The following PRKCB variants were observed in gnomAD, a reference collection of about 807,000 sequenced individuals.
PRKCB encodes the protein protein kinase C beta, also known as protein kinase C beta type.
PRKCB carries 13 observed loss-of-function variants against 81.5 expected under a neutral mutation model. That is an observed-to-expected ratio of 0.16 (90% confidence interval 0.10 to 0.25). PRKCB has a LOEUF of 0.25. PRKCB is among the 10% of genes least tolerant of loss of function. The probability of loss-of-function intolerance (pLI) is 1.00; values close to 1 mark genes in which losing one functional copy is unlikely to be tolerated. For synonymous variants in PRKCB, 335 were observed against 321.4 expected, an observed-to-expected ratio of 1.04 and a Z score of -0.45; for missense variants, 509 against 875.7, an observed-to-expected ratio of 0.58 and a Z score of 5.29.
chr16:24,163,457 A>G (rs1967296202), intron 10 of PRKCB, among the ~76,000 whole-genome samples: 1 of 152,238 alleles, frequency 6.6e-6, no homozygotes, highest in Non-Finnish European at 1.5e-5. Context: ...GAATAGACAC[A>G]GCCTTATGCT....
chr16:23,997,920 G>A (rs1383867152), intron 3 of PRKCB, among the ~76,000 whole-genome samples: 2 of 152,204 alleles, frequency 1.3e-5, no homozygotes, highest in Admixed American at 1.3e-4. Flanking sequence ...TTTTGCACAT[G>A]CAGTTAACCT....
intron 2 of PRKCB, among the ~76,000 whole-genome samples, chr16:23,979,964 A>G (rs909555267): frequency 3.3e-5 from 5 of 152,228 alleles, no homozygotes; most frequent in Admixed American, 6.5e-5. Context: ...GCATGCCTGT[A>G]GTCCCATCTA....
intron 2 of PRKCB, among the ~76,000 whole-genome samples, chr16:23,967,905 G>A (rs1422905856): frequency 6.6e-6 from 1 of 152,086 alleles, no homozygotes; most frequent in Non-Finnish European, 1.5e-5. Context: ...TCCACCTGCC[G>A]TGGCCTTCCA....
chr16:24,017,733 TG>T (rs1387601067), intron 3 of PRKCB, among the ~76,000 whole-genome samples: 1 of 152,124 alleles, frequency 6.6e-6, no homozygotes, highest in Non-Finnish European at 1.5e-5. Flanking sequence ...CTTCTTTTTT[TG>T]TTTGTTTGTT....
chr16:24,195,283 G>A (rs1419949152), intron 16 of PRKCB, among the ~76,000 whole-genome samples: 1 of 151,728 alleles, frequency 6.6e-6, no homozygotes, highest in African/African-American at 2.4e-5. Flanking sequence ...CATTGCATGA[G>A]AGCCCTCCTC....
chr16:23,887,608 C>T (rs1452808774), intron 2 of PRKCB, among the ~76,000 whole-genome samples: 1 of 152,164 alleles, frequency 6.6e-6, no homozygotes, highest in East Asian at 1.9e-4. Flanking sequence ...TGATGGGCAC[C>T]TAGGTGGATT....
intron 7 of PRKCB, among the ~76,000 whole-genome samples, chr16:24,110,856 A>C (rs183076779): frequency 6.6e-6 from 1 of 152,192 alleles, no homozygotes; most frequent in African/African-American, 2.4e-5. Flanking sequence ...GTTTGTTTTT[A>C]ACAATTATTT....
chr16:23,970,406 A>G (rs1425546023), intron 2 of PRKCB, among the ~76,000 whole-genome samples: 1 of 152,144 alleles, frequency 6.6e-6, no homozygotes, highest in Non-Finnish European at 1.5e-5. Flanking sequence ...CTGAGGACAG[A>G]GTGAGGTGGG....
chr16:23,965,335 T>C (rs1211009719), intron 2 of PRKCB, among the ~76,000 whole-genome samples: 2 of 152,238 alleles, frequency 1.3e-5, no homozygotes, highest in African/African-American at 2.4e-5. Context: ...CATTCTTTTT[T>C]ATGCCTGCAT....
At chr16:23,922,426 G>T (rs936248536) in intron 2 of PRKCB, among the ~76,000 whole-genome samples, 1 of 152,154 alleles carries the variant, frequency 6.6e-6, no homozygotes, top group East Asian at 1.9e-4. Flanking sequence ...TTTTATTAAA[G>T]ACATGGTATG....
At chr16:24,068,099 G>A (rs550720885) in intron 5 of PRKCB, among the ~76,000 whole-genome samples, 3 of 152,150 alleles carry the variant, frequency 2.0e-5, no homozygotes, top group African/African-American at 7.2e-5. Context: ...CACTCCTATG[G>A]TGTAGAGGTT....
intron 3 of PRKCB, among the ~76,000 whole-genome samples, chr16:23,997,392 G>T (rs531368650): frequency 2.2e-4 from 33 of 152,314 alleles, no homozygotes; most frequent in African/African-American, 7.2e-4. Context: ...GACCCTTTAA[G>T]AATGAAGGTT....
chr16:23,905,042 C>CTT (rs1227867693), intron 2 of PRKCB, among the ~76,000 whole-genome samples: 163 of 110,204 alleles, frequency 1.5e-3, no homozygotes, highest in African/African-American at 5.8e-3. Flanking sequence ...CTTTTTTTTT[C>CTT]TTTTTTTTTT....
chr16:24,100,629 C>T (rs1052202616), intron 7 of PRKCB, among the ~76,000 whole-genome samples: 16 of 152,230 alleles, frequency 1.1e-4, no homozygotes, highest in Non-Finnish European at 1.5e-4. Context: ...CTCCCCACCA[C>T]CTGTCCTTTC....
intron 10 of PRKCB, among the ~76,000 whole-genome samples, chr16:24,158,634 G>T (rs879798434): frequency 6.6e-6 from 1 of 151,708 alleles, no homozygotes; most frequent in Non-Finnish European, 1.5e-5. Flanking sequence ...GTATGTGTGT[G>T]TATGTGTATG....
At chr16:24,154,599 G>A (rs1262966825) in intron 9 of PRKCB, 85 bp from the exon 10 acceptor site, 18 of 1,366,648 alleles carry the variant, frequency 1.3e-5, no homozygotes, top group African/African-American at 1.4e-5. Context: ...ACAAAGCTAA[G>A]TGTGGCTACA....
intron 2 of PRKCB, among the ~76,000 whole-genome samples, chr16:23,959,995 C>G (rs1355169123): frequency 6.6e-6 from 1 of 152,152 alleles, no homozygotes; most frequent in African/African-American, 2.4e-5. Context: ...TGGGCAGCAA[C>G]TGCAGCTGTT....
At chr16:23,856,649 G>C (rs926772194) in intron 2 of PRKCB, among the ~76,000 whole-genome samples, 1 of 151,776 alleles carries the variant, frequency 6.6e-6, no homozygotes, top group Non-Finnish European at 1.5e-5. Flanking sequence ...TCATTCTCAT[G>C]AGTAGCTGGG....
At chr16:23,894,734 C>A (rs1963348731) in intron 2 of PRKCB, among the ~76,000 whole-genome samples, 1 of 152,152 alleles carries the variant, frequency 6.6e-6, no homozygotes, top group Non-Finnish European at 1.5e-5. Flanking sequence ...AAACCTGAAG[C>A]AATGTGGTAC....
Sources: gnomAD v4.1 joint callset for allele counts (sites outside exome capture counted in the v4.1 genomes callset) on GRCh38, gnomAD v4.1.1 for gene constraint, MANE v1.5 for transcripts, NCBI Gene and HGNC (gene_info 2026-07-23, HGNC 2026-07-21) for gene names.